Variants in LY86 observed in about 807,000 individuals in gnomAD.
The protein encoded by LY86 is lymphocyte antigen 86.
In LY86, 20 loss-of-function variants were observed where a neutral mutation model predicts 17.3. The ratio of observed to expected loss-of-function variants is 1.15; its 90% CI spans 0.81 to 1.68. LY86 has a LOEUF of 1.68. LY86 is among the 40% of genes most tolerant of loss of function. The pLI, the probability that LY86 is intolerant of heterozygous loss-of-function variation, is 0.00. For missense variants in LY86, 200 were observed against 191.9 expected (o/e 1.04, Z -0.25); for synonymous variants, 74 against 70.6 (o/e 1.05, Z -0.24).
At chr6:6,642,309 A>C (rs909041425) in intron 3 of LY86, among the ~76,000 whole-genome samples, 2 of 152,266 alleles carry the variant, frequency 1.3e-5, no homozygotes, top group Non-Finnish European at 2.9e-5. Flanking sequence ...GAAATGGAGC[A>C]GCCAAGCCTG....
chr6:6,611,894 G>A (rs1581240118), intron 1 of LY86, among the ~76,000 whole-genome samples: 1 of 152,058 alleles, frequency 6.6e-6, no homozygotes, highest in Non-Finnish European at 1.5e-5. Flanking sequence ...CCAAAAATAA[G>A]AAAAAAATCA....
chr6:6,634,885 A>G (rs1761941136), intron 3 of LY86, among the ~76,000 whole-genome samples: 1 of 152,284 alleles, frequency 6.6e-6, no homozygotes, highest in African/African-American at 2.4e-5. Flanking sequence ...CTAGATTTGG[A>G]AAAAATCCAC....
At chr6:6,589,552 A>G (rs559110054) in intron 1 of LY86, among the ~76,000 whole-genome samples, 2 of 152,288 alleles carry the variant, frequency 1.3e-5, no homozygotes, top group African/African-American at 4.8e-5. Context: ...GAACCAACCA[A>G]TCGGGCTGTG....
intron 1 of LY86, among the ~76,000 whole-genome samples, chr6:6,600,813 G>A (rs1248211898): frequency 1.3e-5 from 2 of 152,008 alleles, no homozygotes; most frequent in Non-Finnish European, 2.9e-5. Flanking sequence ...ATCACTGGAT[G>A]TAGGATATTT....
intron 1 of LY86, among the ~76,000 whole-genome samples, chr6:6,605,713 T>C (rs538119813): frequency 6.6e-6 from 1 of 152,072 alleles, no homozygotes; most frequent in East Asian, 1.9e-4. Flanking sequence ...CCGCGGAACC[T>C]CGCGGTGAGT....
At chr6:6,606,035 C>G (rs576304837) in intron 1 of LY86, among the ~76,000 whole-genome samples, 1 of 152,182 alleles carries the variant, frequency 6.6e-6, no homozygotes, top group Non-Finnish European at 1.5e-5. Flanking sequence ...GCACGTAATA[C>G]TACTCAAGCA....
intron 1 of LY86, among the ~76,000 whole-genome samples, chr6:6,593,069 T>A (rs2113072199): frequency 6.6e-6 from 1 of 152,374 alleles, no homozygotes. Flanking sequence ...TGTGACAAAT[T>A]TCTACTTGGT....
At chr6:6,612,494 C>T (rs375024959) in intron 1 of LY86, among the ~76,000 whole-genome samples, 1 of 149,674 alleles carries the variant, frequency 6.7e-6, no homozygotes, top group Non-Finnish European at 1.5e-5. Flanking sequence ...GTGTAAACAA[C>T]AAAAACACTT....
chr6:6,632,296 C>T (rs943851637), intron 3 of LY86, among the ~76,000 whole-genome samples: 1 of 152,180 alleles, frequency 6.6e-6, no homozygotes, highest in Non-Finnish European at 1.5e-5. Flanking sequence ...CTTCCCTCCC[C>T]ACAGCTGCCA....
At position 6,588,801 on chromosome 6, in the gene LY86, G is replaced by A. The variant is rs376603538; in HGVS notation, c.67G>A (p.Gly23Ser). The change falls in exon 1 of 5, where the codon GGT becomes AGT. Residue 23 changes from glycine (G) to serine (S), a missense_variant. Gly to Ser is a moderately conservative substitution (Grantham distance 56). Transcript: ENST00000230568. ...LIFPSCSGGGGGKAWPTHVVC... is the reference protein window; with the variant it reads ...LIFPSCSGGGSGKAWPTHVVC... ...TTTTCCCAGCTGCAGTGGAGGCGGC[G>A]GTGGGAAAGCCTGGCCCACACACGT... 1.2e-4 allele frequency: 192 copies of A among 1,614,058 alleles called. No homozygotes were observed. The highest frequency in any genetic ancestry group is 1.6e-4 in the Non-Finnish European group (183 of 1,180,014).
At chr6:6,608,588 T>C (rs180783387) in intron 1 of LY86, among the ~76,000 whole-genome samples, 4 of 152,362 alleles carry the variant, frequency 2.6e-5, no homozygotes. Context: ...GGCAAAAGTA[T>C]TTAGACTAAT....
At chr6:6,640,254 A>G (rs1269086264) in intron 3 of LY86, among the ~76,000 whole-genome samples, 1 of 152,104 alleles carries the variant, frequency 6.6e-6, no homozygotes, top group Non-Finnish European at 1.5e-5. Flanking sequence ...AGCTTCTATT[A>G]GGAATAAAAA....
chr6:6,635,102 C>A (rs886187533), intron 3 of LY86, among the ~76,000 whole-genome samples: 1 of 152,164 alleles, frequency 6.6e-6, no homozygotes, highest in Non-Finnish European at 1.5e-5. Flanking sequence ...TTAACAAATG[C>A]AAGCCCAGGA....
At chr6:6,596,967 T>C (rs1760733998) in intron 1 of LY86, among the ~76,000 whole-genome samples, 1 of 152,120 alleles carries the variant, frequency 6.6e-6, no homozygotes, top group Non-Finnish European at 1.5e-5. Flanking sequence ...TCCCAAACGC[T>C]GTTCACAGCT....
At chr6:6,612,070 G>T (rs1458913640) in intron 1 of LY86, among the ~76,000 whole-genome samples, 1 of 152,138 alleles carries the variant, frequency 6.6e-6, no homozygotes, top group Non-Finnish European at 1.5e-5. Flanking sequence ...AAAAGCCAAT[G>T]TATTAGCAAG....
intron 1 of LY86, among the ~76,000 whole-genome samples, chr6:6,607,165 G>A (rs1439043243): frequency 6.6e-6 from 1 of 152,246 alleles, no homozygotes; most frequent in Admixed American, 6.5e-5. Context: ...TCATGTCCTT[G>A]ACCTGGTCTT....
intron 3 of LY86, among the ~76,000 whole-genome samples, chr6:6,647,631 A>AT (rs1194423457): frequency 6.6e-6 from 1 of 152,118 alleles, no homozygotes; most frequent in Non-Finnish European, 1.5e-5. Flanking sequence ...TTTGAAAAAC[A>AT]TTCACCTCCT....
intron 1 of LY86, among the ~76,000 whole-genome samples, chr6:6,607,259 C>A (rs1466728814): frequency 6.6e-6 from 1 of 152,216 alleles, no homozygotes; most frequent in Non-Finnish European, 1.5e-5. Flanking sequence ...TGTGAATATA[C>A]TGAAGACTTC....
chr6:6,653,501 G>T (rs1183406938), intron 4 of LY86, among the ~76,000 whole-genome samples: 1 of 152,180 alleles, frequency 6.6e-6, no homozygotes, highest in East Asian at 1.9e-4. Flanking sequence ...CAGGACTGGG[G>T]TGCTGGCAGC....
Sources: gnomAD v4.1 joint callset for allele counts (sites outside exome capture counted in the v4.1 genomes callset) on GRCh38, gnomAD v4.1.1 for gene constraint, MANE v1.5 for transcripts, NCBI Gene and HGNC (gene_info 2026-07-23, HGNC 2026-07-21) for gene names.